CNTN4: variants seen among roughly 807,000 people sequenced by gnomAD.
CNTN4 encodes contactin 4.
CNTN4 carries 77 observed loss-of-function variants against 122.5 expected under a neutral mutation model. The ratio of observed to expected loss-of-function variants is 0.63; its 90% CI spans 0.52 to 0.76. The LOEUF (loss-of-function observed/expected upper bound fraction) is 0.76. Ranked by LOEUF, CNTN4 falls within the 30% of genes least tolerant of loss-of-function variation. The probability of loss-of-function intolerance (pLI) is 0.00; values close to 1 mark genes in which losing one functional copy is unlikely to be tolerated. For synonymous variants in CNTN4, 512 were observed against 447.0 expected, an observed-to-expected ratio of 1.15 and a Z score of -1.83; for missense variants, 1,256 against 1,259.1, an observed-to-expected ratio of 1.00 and a Z score of 0.04.
chr3:3,017,019 C>T (rs117715893), intron 14 of CNTN4, among the ~76,000 whole-genome samples: 1 of 152,268 alleles, frequency 6.6e-6, no homozygotes, highest in East Asian at 1.9e-4. Context: ...GTGGCTGTGC[C>T]TCTCGGTATG....
chr3:2,416,872 C>T (rs945974946), intron 3 of CNTN4, among the ~76,000 whole-genome samples: 3 of 152,036 alleles, frequency 2.0e-5, no homozygotes, highest in African/African-American at 2.4e-5. Context: ...GCCAGGATGG[C>T]CTCGAGCTCC....
intron 7 of CNTN4, among the ~76,000 whole-genome samples, chr3:2,857,432 T>A (rs114117410): frequency 6.6e-6 from 1 of 152,294 alleles, no homozygotes; most frequent in African/African-American, 2.4e-5. Context: ...AATACCAAAT[T>A]TTTAACAAAT....
chr3:2,981,255 T>G (rs1440937515), intron 13 of CNTN4, among the ~76,000 whole-genome samples: 1 of 151,898 alleles, frequency 6.6e-6, no homozygotes, highest in Non-Finnish European at 1.5e-5. Flanking sequence ...CCATCCTGGC[T>G]AACACAGTGA....
At chr3:2,378,930 T>A (rs984894019) in intron 3 of CNTN4, among the ~76,000 whole-genome samples, 4 of 152,198 alleles carry the variant, frequency 2.6e-5, no homozygotes, top group Non-Finnish European at 5.9e-5. Context: ...TAGAGGATTA[T>A]ACCATAGTTT....
chr3:2,568,236 T>C (rs571028310), intron 3 of CNTN4, among the ~76,000 whole-genome samples: 1 of 151,526 alleles, frequency 6.6e-6, no homozygotes, highest in Non-Finnish European at 1.5e-5. Flanking sequence ...TTTCAGCACT[T>C]TGTACTGAGG....
chr3:2,917,282 C>T (rs374213406), intron 12 of CNTN4, among the ~76,000 whole-genome samples: 107 of 150,498 alleles, frequency 7.1e-4, no homozygotes, highest in Non-Finnish European at 1.3e-3. Context: ...AGAGGGAGAC[C>T]GTGGAAAGCG....
At chr3:2,496,668 T>G (rs1279181665) in intron 3 of CNTN4, among the ~76,000 whole-genome samples, 3 of 152,168 alleles carry the variant, frequency 2.0e-5, no homozygotes, top group Admixed American at 2.0e-4. Flanking sequence ...GAAGAAGAGC[T>G]GAGATGCCTA....
intron 3 of CNTN4, among the ~76,000 whole-genome samples, chr3:2,561,815 G>A (rs1316036085): frequency 1.3e-5 from 2 of 152,102 alleles, no homozygotes; most frequent in African/African-American, 4.8e-5. Flanking sequence ...GGAAGCAAAG[G>A]AATTTTTATT....
At chr3:3,034,933 G>C (rs189537400) in intron 17 of CNTN4, 143 bp downstream of exon 17, 1 of 887,844 alleles carries the variant, frequency 1.1e-6, no homozygotes, top group Non-Finnish European at 1.8e-6. Flanking sequence ...TCGGCCAACT[G>C]TACTATCATT....
chr3:2,523,082 T>A (rs145566385), intron 3 of CNTN4, among the ~76,000 whole-genome samples: 2 of 152,208 alleles, frequency 1.3e-5, no homozygotes, highest in African/African-American at 4.8e-5. Context: ...AGATTGTGAA[T>A]GTCATGGCTA....
rs531589643 is a variant in CNTN4 at position 2,377,855 on chromosome 3, C to T, written c.-89+38622C>T. On this transcript the variant is annotated intron_variant, in intron 3 of 24. Coordinates refer to ENST00000418658, the MANE Select transcript of CNTN4 (RefSeq NM_175607.3). ...CCAGACAATTCCTCTTCGTCCAGTG[C>T]GACCCAGGGAAGCCAAAAGATTGGA... Among the ~76,000 whole-genome samples the T allele has an allele frequency of 4.6e-5, 7 of 151,964 alleles. No homozygotes were observed. In the East Asian group the frequency reaches 5.8e-4, roughly 13 times the overall value.
intron 7 of CNTN4, among the ~76,000 whole-genome samples, chr3:2,861,508 A>G (rs1404197408): frequency 6.6e-6 from 1 of 152,240 alleles, no homozygotes; most frequent in African/African-American, 2.4e-5. Flanking sequence ...TTTAAATTCA[A>G]CCTCACAAAC....
chr3:2,526,521 T>TA (rs1348665414), intron 3 of CNTN4, among the ~76,000 whole-genome samples: 1 of 152,108 alleles, frequency 6.6e-6, no homozygotes, highest in African/African-American at 2.4e-5. Context: ...TGTGAAAACT[T>TA]ACATAGTAAC....
chr3:2,506,538 C>T (rs1312470114), intron 3 of CNTN4, among the ~76,000 whole-genome samples: 1 of 152,124 alleles, frequency 6.6e-6, no homozygotes, highest in Non-Finnish European at 1.5e-5. Flanking sequence ...AGTAGGTGCT[C>T]AATAAATATT....
At chr3:2,301,250 G>C (rs986831065) in intron 2 of CNTN4, among the ~76,000 whole-genome samples, 1 of 152,124 alleles carries the variant, frequency 6.6e-6, no homozygotes, top group Non-Finnish European at 1.5e-5. Flanking sequence ...TGATGGGGAG[G>C]AAAACAAAAA....
At position 2,380,089 on chromosome 3, in the gene CNTN4, G is replaced by A. The variant is rs2045963386; in HGVS notation, c.-89+40856G>A. ...AAAAAAAAAAAATCATAGGGTTTTG[G>A]TGATAATTTAATTAGATACTGTGTC... On this transcript the variant is annotated intron_variant, in intron 3 of 24. Transcript: ENST00000418658. 4.0e-5 allele frequency among the ~76,000 whole-genome samples: 6 copies of A among 150,764 alleles called. No homozygotes were observed. In the South Asian group the frequency reaches 1.0e-3, roughly 26 times the overall value.
At chr3:2,951,211 C>T (rs2094739566) in intron 13 of CNTN4, among the ~76,000 whole-genome samples, 1 of 152,116 alleles carries the variant, frequency 6.6e-6, no homozygotes. Flanking sequence ...CCCTTTTTGG[C>T]ACCAGGAACT....
intron 2 of CNTN4, among the ~76,000 whole-genome samples, chr3:2,217,374 C>T (rs183568903): frequency 8.5e-5 from 13 of 152,302 alleles, no homozygotes; most frequent in Admixed American, 7.2e-4. Flanking sequence ...AATCTTGTTC[C>T]TCTATGGATT....
At position 2,970,091 on chromosome 3, in the gene CNTN4, TTTG is replaced by T. The variant is rs890847251; in HGVS notation, c.1359-18242_1359-18240del. ...CATACTGTTTTTGTTGTTGTTGTTG[TTTG>T]TTGTTGTTGTTTTAAGAGAGACAGT... On this transcript the variant is annotated intron_variant, in intron 13 of 24. Coordinates refer to ENST00000418658, the MANE Select transcript of CNTN4 (RefSeq NM_175607.3). Among the ~76,000 whole-genome samples, 5 of 127,728 alleles carry T rather than the reference TTTG, an allele frequency of 3.9e-5. No homozygotes were observed. In the East Asian group the frequency reaches 7.8e-4, roughly 20 times the overall value. The allele number at this position is 127,728 out of a possible 152,430, so 83.8% of individuals were successfully genotyped here.
Sources: gnomAD v4.1 joint callset for allele counts (sites outside exome capture counted in the v4.1 genomes callset) on GRCh38, gnomAD v4.1.1 for gene constraint, MANE v1.5 for transcripts, NCBI Gene and HGNC (gene_info 2026-07-23, HGNC 2026-07-21) for gene names.